Variants in DGKB observed in about 807,000 individuals in gnomAD.
DGKB encodes the protein diacylglycerol kinase beta, also known as 90 kDa diacylglycerol kinase.
Under a neutral mutation model 114.3 loss-of-function variants are expected in DGKB, and 67 were observed. The observed-to-expected ratio is 0.59, with a 90% CI of 0.48 to 0.72. The LOEUF is 0.72. Among genes scored for constraint, DGKB ranks in the 30% least tolerant of loss-of-function variants. The probability of loss-of-function intolerance (pLI) is 0.00; values close to 1 mark genes in which losing one functional copy is unlikely to be tolerated. For synonymous variants in DGKB, 398 were observed against 323.1 expected (o/e 1.23, Z -2.49); for missense variants, 907 against 975.2 (o/e 0.93, Z 0.93).
At chr7:14,560,352 A>T (rs1021093559) in intron 20 of DGKB, among the ~76,000 whole-genome samples, 1 of 152,162 alleles carries the variant, frequency 6.6e-6, no homozygotes, top group Non-Finnish European at 1.5e-5. Context: ...CCGTTGATTA[A>T]TAATTTTCCA....
At chr7:14,205,843 T>C (rs115999069) in intron 23 of DGKB, among the ~76,000 whole-genome samples, 2,077 of 152,026 alleles carry the variant, frequency 0.014, 48 homozygotes, top group African/African-American at 0.048. Context: ...AAGTAGAATC[T>C]TACTATAGCT....
chr7:14,903,708 A>G (rs10278266), upstream of DGKB, among the ~76,000 whole-genome samples: 35,632 of 152,116 alleles, frequency 0.23, 5,283 homozygotes, highest in East Asian at 0.77. Flanking sequence ...AACTCTATGT[A>G]TGTGTAACCA....
At chr7:14,231,431 C>T (rs1009445616) in intron 23 of DGKB, among the ~76,000 whole-genome samples, 5 of 151,676 alleles carry the variant, frequency 3.3e-5, no homozygotes, top group African/African-American at 9.7e-5. Flanking sequence ...GTCCAGTTCA[C>T]GTTATATTTT....
intron 13 of DGKB, among the ~76,000 whole-genome samples, chr7:14,672,120 A>G (rs565302513): frequency 3.3e-5 from 5 of 152,164 alleles, no homozygotes; most frequent in African/African-American, 9.6e-5. Context: ...AATGAGTAAT[A>G]TGATTAATTT....
chr7:14,733,475 C>T (rs768154374), intron 5 of DGKB, among the ~76,000 whole-genome samples: 2 of 152,034 alleles, frequency 1.3e-5, no homozygotes, highest in Non-Finnish European at 1.5e-5. Context: ...TTGCTTGAGG[C>T]CAGGCATTCG....
At chr7:14,178,227 G>C in intron 23 of DGKB, 76 bp from the exon 24 acceptor site, 3 of 1,473,986 alleles carry the variant, frequency 2.0e-6, no homozygotes, top group Non-Finnish European at 2.7e-6. Flanking sequence ...TGATATTATG[G>C]AGATTAAAAA....
At chr7:14,349,933 G>A (rs139576466) in intron 21 of DGKB, among the ~76,000 whole-genome samples, 300 of 152,142 alleles carry the variant, frequency 2.0e-3, no homozygotes, top group African/African-American at 6.8e-3. Flanking sequence ...CAAATTTATC[G>A]TATTCCTGGA....
intron 4 of DGKB, among the ~76,000 whole-genome samples, chr7:14,741,184 T>C (rs1832536367): frequency 6.6e-6 from 1 of 152,114 alleles, no homozygotes; most frequent in African/African-American, 2.4e-5. Flanking sequence ...CTTAAACTGG[T>C]TGGCTTAGAA....
chr7:14,851,042 T>G (rs1049263178), intron 1 of DGKB, among the ~76,000 whole-genome samples: 2 of 152,168 alleles, frequency 1.3e-5, no homozygotes, highest in Non-Finnish European at 2.9e-5. Flanking sequence ...AATAAGAGAC[T>G]CTCAATAATG....
At chr7:14,840,938 A>T (rs1290914541) in intron 2 of DGKB, among the ~76,000 whole-genome samples, 3 of 152,090 alleles carry the variant, frequency 2.0e-5, no homozygotes, top group East Asian at 3.9e-4. Context: ...TATTACAGCT[A>T]GAGTGTTTTC....
chr7:14,558,638 T>C (rs1452586158), intron 20 of DGKB, among the ~76,000 whole-genome samples: 1 of 152,188 alleles, frequency 6.6e-6, no homozygotes, highest in Admixed American at 6.5e-5. Context: ...CCTAAAGATG[T>C]AAATTTCTTG....
At chr7:14,923,601 T>C (rs1227876862) in intron 1 of DGKB, among the ~76,000 whole-genome samples, 2 of 152,186 alleles carry the variant, frequency 1.3e-5, no homozygotes, top group Admixed American at 1.3e-4. Flanking sequence ...CCTTGAAACA[T>C]TGTATTCATC....
rs188459715 is a variant in DGKB at position 14,663,110 on chromosome 7, C to T, written c.1134+9819G>A. 6.8e-3 allele frequency among the ~76,000 whole-genome samples: 1,033 copies of T among 151,986 alleles called. 15 individuals are homozygous for T. The highest frequency in any genetic ancestry group is 0.022 in the African/African-American group (922 of 41,488). ...TTCATATCACAAAACTAGTGAAAAA[C>T]CCAGGATTAAAATACAAATGGTATA... On this transcript the variant is annotated intron_variant, in intron 13 of 25. Coordinates refer to ENST00000402815, the MANE Select transcript of DGKB (RefSeq NM_001350709.2).
intron 23 of DGKB, among the ~76,000 whole-genome samples, chr7:14,327,251 A>G (rs1808907251): frequency 6.6e-6 from 1 of 152,144 alleles, no homozygotes. Flanking sequence ...ATGAAAAGTA[A>G]TGTTTACAAA....
chr7:14,899,359 A>G (rs975444698), intron 1 of DGKB, among the ~76,000 whole-genome samples: 1 of 152,126 alleles, frequency 6.6e-6, no homozygotes, highest in African/African-American at 2.4e-5. Flanking sequence ...TTATCTGATG[A>G]CTAGCATAAT....
intron 21 of DGKB, among the ~76,000 whole-genome samples, chr7:14,405,584 T>A (rs1294458986): frequency 6.6e-6 from 1 of 152,034 alleles, no homozygotes; most frequent in South Asian, 2.1e-4. Context: ...ATTCTAGGTG[T>A]TGAGGATGCA....
chr7:14,829,276 G>A (rs553163539), intron 2 of DGKB, among the ~76,000 whole-genome samples: 12 of 152,224 alleles, frequency 7.9e-5, no homozygotes, highest in Non-Finnish European at 1.6e-4. Context: ...GGAAGAAAGT[G>A]TCTGACATCT....
At chr7:14,258,162 T>C (rs554314270) in intron 23 of DGKB, among the ~76,000 whole-genome samples, 3 of 152,362 alleles carry the variant, frequency 2.0e-5, no homozygotes, top group African/African-American at 7.2e-5. Flanking sequence ...AAGGGATTAA[T>C]ATAAGTTTTA....
intron 1 of DGKB, among the ~76,000 whole-genome samples, chr7:14,892,215 T>C (rs1335724547): frequency 6.6e-6 from 1 of 151,228 alleles, no homozygotes; most frequent in Non-Finnish European, 1.5e-5. Flanking sequence ...AGTGGAGAAG[T>C]TCCAGGTAAT....
Sources: allele counts gnomAD v4.1 joint callset (sites outside exome capture counted in the v4.1 genomes callset), GRCh38; gene constraint gnomAD v4.1.1; transcripts MANE v1.5; gene names NCBI Gene and HGNC (gene_info 2026-07-23, HGNC 2026-07-21).